IL1RAPL1: variants seen among roughly 807,000 people sequenced by gnomAD.
The protein encoded by IL1RAPL1 is interleukin-1 receptor accessory protein-like 1.
In IL1RAPL1, 3 loss-of-function variants were observed where a neutral mutation model predicts 48.4. That is an observed-to-expected ratio of 0.06 (90% confidence interval 0.03 to 0.16). The LOEUF is 0.16. Among genes scored for constraint, IL1RAPL1 ranks in the 10% least tolerant of loss-of-function variants. The pLI, the probability that IL1RAPL1 is intolerant of heterozygous loss-of-function variation, is 1.00. For synonymous variants in IL1RAPL1, 185 were observed against 187.7 expected, an observed-to-expected ratio of 0.99 and a Z score of 0.12; for missense variants, 349 against 530.6, an observed-to-expected ratio of 0.66 and a Z score of 3.36.
chrX:29,461,568 T>G (rs1265167688), intron 5 of IL1RAPL1, among the ~76,000 whole-genome samples: 1 of 111,492 alleles, frequency 9.0e-6, no homozygotes, highest in Middle Eastern at 4.2e-3. Flanking sequence ...ATTTAATGTT[T>G]AGACTAGCAG....
intron 2 of IL1RAPL1, among the ~76,000 whole-genome samples, chrX:29,021,000 C>T (rs942228284): frequency 5.5e-5 from 6 of 109,983 alleles, no homozygotes; most frequent in East Asian, 2.9e-4. Flanking sequence ...CCGAGGCAGG[C>T]GGATCACGAG....
chrX:29,506,491 C>T (rs754907684), intron 5 of IL1RAPL1, among the ~76,000 whole-genome samples: 3 of 96,686 alleles, frequency 3.1e-5, no homozygotes, highest in Admixed American at 1.1e-4. Context: ...CTTCTTTGTG[C>T]GTGCGTGCAT....
At chrX:28,661,769 A>G (rs1934825214) in intron 1 of IL1RAPL1, among the ~76,000 whole-genome samples, 1 of 112,027 alleles carries the variant, frequency 8.9e-6, no homozygotes, top group Non-Finnish European at 1.9e-5. Context: ...AAATATTATA[A>G]TGTTCAAAGA....
At chrX:29,582,349 CT>C (rs66537814) in intron 5 of IL1RAPL1, among the ~76,000 whole-genome samples, 4,762 of 88,931 alleles carry the variant, frequency 0.054, 124 homozygotes, top group African/African-American at 0.066. Flanking sequence ...AAGATAGCAT[CT>C]TTTTTTTTTT....
chrX:28,974,198 C>T (rs1480856276), intron 2 of IL1RAPL1, among the ~76,000 whole-genome samples: 3 of 111,578 alleles, frequency 2.7e-5, no homozygotes, highest in Non-Finnish European at 1.9e-5. Context: ...TGATGCCCTG[C>T]AAGTTACAGT....
chrX:28,908,118 G>A (rs150572166), intron 2 of IL1RAPL1, among the ~76,000 whole-genome samples: 1,620 of 111,205 alleles, frequency 0.015, 63 homozygotes, highest in Admixed American at 0.13. Flanking sequence ...TTCTTGGCTA[G>A]CATGGCTAGT....
chrX:29,517,898 T>C (rs16988621), intron 5 of IL1RAPL1, among the ~76,000 whole-genome samples: 4,532 of 111,789 alleles, frequency 0.041, 252 homozygotes, highest in African/African-American at 0.14. Flanking sequence ...TTCTGCTGTT[T>C]GGTTTCTAGG....
chrX:28,747,082 T>G (rs1935987817), intron 1 of IL1RAPL1, among the ~76,000 whole-genome samples: 1 of 111,175 alleles, frequency 9.0e-6, no homozygotes, highest in South Asian at 3.8e-4. Context: ...GACATTCTAG[T>G]CTAAACATCG....
chrX:28,716,355 A>G (rs1199039469), intron 1 of IL1RAPL1, among the ~76,000 whole-genome samples: 1 of 111,234 alleles, frequency 9.0e-6, no homozygotes, highest in Non-Finnish European at 1.9e-5. Flanking sequence ...AGAAAGAAAT[A>G]AAGAGTATTC....
chrX:28,725,526 T>G (rs1935661892), intron 1 of IL1RAPL1, among the ~76,000 whole-genome samples: 1 of 112,068 alleles, frequency 8.9e-6, no homozygotes, highest in Admixed American at 9.5e-5. Context: ...TGTATGGAGC[T>G]TCCATACTCC....
chrX:29,028,522 G>A (rs1045334521), intron 2 of IL1RAPL1, among the ~76,000 whole-genome samples: 6 of 110,125 alleles, frequency 5.4e-5, no homozygotes, highest in Middle Eastern at 4.6e-3. Context: ...TCTTGACCTC[G>A]TGATCCACCC....
intron 2 of IL1RAPL1, among the ~76,000 whole-genome samples, chrX:29,150,119 G>C (rs1929431940): frequency 1.8e-5 from 2 of 112,362 alleles, no homozygotes; most frequent in African/African-American, 6.5e-5. Context: ...AATCTGTGCA[G>C]AGCTTGAGGT....
chrX:28,632,311 G>A (rs765322143), intron 1 of IL1RAPL1, among the ~76,000 whole-genome samples: 2 of 110,987 alleles, frequency 1.8e-5, no homozygotes, highest in Non-Finnish European at 3.8e-5. Context: ...CTCTTATAAG[G>A]ACATCAGTCC....
chrX:29,274,365 T>G (rs966194312), intron 2 of IL1RAPL1, among the ~76,000 whole-genome samples: 1 of 111,504 alleles, frequency 9.0e-6, no homozygotes, highest in Non-Finnish European at 1.9e-5. Flanking sequence ...CTGATAAAAA[T>G]AGACTTGGCA....
chrX:29,478,547 T>C (rs958130311), intron 5 of IL1RAPL1, among the ~76,000 whole-genome samples: 2 of 110,744 alleles, frequency 1.8e-5, no homozygotes, highest in Non-Finnish European at 3.8e-5. Context: ...CACTAGTCCC[T>C]GGTCAGAACA....
chrX:28,917,534 G>A (rs1923517117), intron 2 of IL1RAPL1, among the ~76,000 whole-genome samples: 1 of 111,690 alleles, frequency 9.0e-6, no homozygotes, highest in Admixed American at 9.6e-5. Context: ...TGGGCTGATG[G>A]TTCAAGTACA....
At chrX:29,389,435 G>A (rs968336695) in intron 3 of IL1RAPL1, among the ~76,000 whole-genome samples, 4 of 108,867 alleles carry the variant, frequency 3.7e-5, no homozygotes, top group Non-Finnish European at 3.8e-5. Flanking sequence ...TATATGTAAT[G>A]TATGTAATCT....
chrX:29,405,794 GTC>G (rs1053227810), intron 5 of IL1RAPL1, among the ~76,000 whole-genome samples: 3 of 110,280 alleles, frequency 2.7e-5, no homozygotes, highest in Non-Finnish European at 5.7e-5. Context: ...CTGGTTTGAT[GTC>G]TCTCAATTTT....
rs73210010 is a variant in IL1RAPL1, at chrX:29,052,052, A to G, written c.83-230886A>G. Among the ~76,000 whole-genome samples, 507 of 112,395 alleles carry G rather than the reference A, an allele frequency of 4.5e-3. 4 individuals carry two copies. Among genetic ancestry groups the G allele is most frequent in the Middle Eastern group, 0.041 (9 of 217 alleles). On this transcript the variant is annotated intron_variant, in intron 2 of 10. Coordinates refer to ENST00000378993, the MANE Select transcript of IL1RAPL1 (RefSeq NM_014271.4). ...CATATATTCCCTCCATATCAGGAGT[A>G]AAGAAAGGTATGTCCCAATTTAAAT...
Sources: gnomAD v4.1 joint callset for allele counts (sites outside exome capture counted in the v4.1 genomes callset) on GRCh38, gnomAD v4.1.1 for gene constraint, MANE v1.5 for transcripts, NCBI Gene and HGNC (gene_info 2026-07-23, HGNC 2026-07-21) for gene names.